DPP6: variants seen among roughly 807,000 people sequenced by gnomAD.
DPP6 encodes the protein A-type potassium channel modulatory protein DPP6.
In DPP6, 69 loss-of-function variants were observed where a neutral mutation model predicts 122.6. That is an observed-to-expected ratio of 0.56 (90% CI 0.46 to 0.69). DPP6 has a LOEUF of 0.69. Ranked by LOEUF, DPP6 falls within the 30% of genes least tolerant of loss-of-function variation. The pLI, the probability that DPP6 is intolerant of heterozygous loss-of-function variation, is 0.00. For missense variants in DPP6, 928 were observed against 1,116.9 expected (o/e 0.83, Z 2.41); for synonymous variants, 418 against 433.1 (o/e 0.97, Z 0.43).
the DPP6 span, among the ~76,000 whole-genome samples, chr7:153,863,096 C>G: frequency 2.6e-5 from 4 of 152,154 alleles, no homozygotes; most frequent in Admixed American, 1.3e-4. Context: ...GCTAACCGAT[C>G]TTTTGACATA....
Position 154,494,422 on chromosome 7 carries a change from A to T in DPP6, c.457+19385A>T, listed in dbSNP as rs1165893846. Among the ~76,000 whole-genome samples the T allele has an allele frequency of 2.0e-5, 3 of 148,738 alleles. No individual in the cohort carries two copies. The East Asian group carries it at 5.8e-4, about 29-fold the overall frequency. Reference sequence around the variant, plus strand: ...ATATAATATATGATAACATATATTTATATATATATGTATATCACTTGTAAG... The same window carrying T: ...ATATAATATATGATAACATATATTTTTATATATATGTATATCACTTGTAAG... On this transcript the variant is annotated intron_variant, in intron 3 of 25. Coordinates refer to ENST00000377770, the MANE Select transcript of DPP6 (RefSeq NM_130797.4).
chr7:154,023,831 C>T (rs1798839778), intron 1 of DPP6, among the ~76,000 whole-genome samples: 1 of 152,002 alleles, frequency 6.6e-6, no homozygotes, highest in Admixed American at 6.6e-5. Flanking sequence ...ACCTACACGC[C>T]TCCAAAAATA....
intron 1 of DPP6, among the ~76,000 whole-genome samples, chr7:154,409,820 A>G (rs1816444095): frequency 6.6e-6 from 1 of 152,178 alleles, no homozygotes. Flanking sequence ...CACTTTCAAC[A>G]TACCATGGTT....
At chr7:154,504,606 A>G (rs938751396) in intron 3 of DPP6, among the ~76,000 whole-genome samples, 9 of 152,182 alleles carry the variant, frequency 5.9e-5, no homozygotes, top group African/African-American at 1.9e-4. Flanking sequence ...CTCCTGTCTC[A>G]TTCTTCTTTT....
At chr7:154,580,826 C>G (rs10265297) in intron 5 of DPP6, among the ~76,000 whole-genome samples, 148,370 of 152,240 alleles carry the variant, frequency 0.97, 72,362 homozygotes, top group African/African-American at 0.99. Flanking sequence ...ACACCTGCAG[C>G]GAGCATCAGC....
chr7:154,854,180 T>A (rs1483406501), intron 17 of DPP6, among the ~76,000 whole-genome samples: 1 of 152,098 alleles, frequency 6.6e-6, no homozygotes, highest in Non-Finnish European at 1.5e-5. Flanking sequence ...GCACCAAGAC[T>A]TGAGGGGCAC....
At chr7:154,407,633 T>G (rs1467791424) in intron 1 of DPP6, among the ~76,000 whole-genome samples, 1 of 152,230 alleles carries the variant, frequency 6.6e-6, no homozygotes, top group African/African-American at 2.4e-5. Flanking sequence ...TTTAAAATTT[T>G]GGATTTTTAA....
Position 154,600,409 on chromosome 7 carries a change from G to A in DPP6, c.627+33493G>A, listed in dbSNP as rs182819076. The stretch of plus-strand genomic sequence containing the variant: ...CTCCGAAAGAGCTGGGATTACAGGC[G>A]TGAGCCACCATGCCCGGCCCTTTTA... On this transcript the variant is annotated intron_variant, in intron 5 of 25. Transcript: ENST00000377770. Among the ~76,000 whole-genome samples, 98 of 120,224 alleles carry A rather than the reference G, an allele frequency of 8.2e-4. 22 individuals are homozygous for A. Among genetic ancestry groups the A allele is most frequent in the Middle Eastern group, 8.6e-3 (2 of 232 alleles). The allele number at this position is 120,224 out of a possible 152,430, so 78.9% of individuals were successfully genotyped here.
chr7:154,833,958 G>A lies in DPP6; in HGVS notation c.1667-19822G>A, dbSNP rs542434710. Among the ~76,000 whole-genome samples, 4 of 152,224 alleles carry A rather than the reference G, an allele frequency of 2.6e-5. No homozygotes were observed. The highest frequency in any genetic ancestry group is 4.8e-5 in the African/African-American group (2 of 41,518). On this transcript the variant is annotated intron_variant, in intron 16 of 25. Coordinates refer to ENST00000377770, the MANE Select transcript of DPP6 (RefSeq NM_130797.4). This position sits in a 1 kb window ranked among gnomAD's most constrained non-coding sequence, Gnocchi z 4.3. ...CTGCACGGATGTAGCTCATCTTCAC[G>A]CAGACAAGAATAAGGACGCCTGTCC... is the stretch of plus-strand genomic sequence containing the variant.
intron 1 of DPP6, among the ~76,000 whole-genome samples, chr7:154,103,371 C>T (rs1006469192): frequency 6.6e-6 from 1 of 152,124 alleles, no homozygotes; most frequent in Non-Finnish European, 1.5e-5. Context: ...TGTTGGTGGA[C>T]CTCTAAGCAA....
chr7:154,752,825 A>G (rs1391568966), intron 8 of DPP6, among the ~76,000 whole-genome samples: 1 of 152,172 alleles, frequency 6.6e-6, no homozygotes, highest in Non-Finnish European at 1.5e-5. Context: ...GCCCAGGGGT[A>G]AATGTTGGGT....
At chr7:153,911,229 G>A (rs1800078755) in intron 1 of DPP6, among the ~76,000 whole-genome samples, 1 of 152,186 alleles carries the variant, frequency 6.6e-6, no homozygotes, top group African/African-American at 2.4e-5. Flanking sequence ...TCACCCAGAT[G>A]TTGGCTTGCT....
At chr7:153,776,220 G>A in the DPP6 span, among the ~76,000 whole-genome samples, 1 of 152,102 alleles carries the variant, frequency 6.6e-6, no homozygotes, top group African/African-American at 2.4e-5. Flanking sequence ...GTAGTGATAT[G>A]GTTTGGCTGT....
chr7:154,688,872 A>G (rs150617598), intron 7 of DPP6, among the ~76,000 whole-genome samples: 2,198 of 152,258 alleles, frequency 0.014, 29 homozygotes, highest in Middle Eastern at 0.034. Context: ...CCTCAATCCA[A>G]TCAAGTTGAC....
At chr7:154,010,317 T>C (rs114586820) in intron 1 of DPP6, among the ~76,000 whole-genome samples, 3,330 of 152,302 alleles carry the variant, frequency 0.022, 122 homozygotes, top group African/African-American at 0.077. Flanking sequence ...AGGCATCTTA[T>C]AGACACATAC....
intron 1 of DPP6, among the ~76,000 whole-genome samples, chr7:154,118,746 A>G (rs531992920): frequency 6.9e-5 from 10 of 145,218 alleles, no homozygotes; most frequent in African/African-American, 2.3e-4. Context: ...AAAGAAGGCA[A>G]AACTCTTCCA....
intron 1 of DPP6, among the ~76,000 whole-genome samples, chr7:154,219,160 G>A (rs1380001333): frequency 1.3e-5 from 2 of 152,178 alleles, no homozygotes; most frequent in African/African-American, 4.8e-5. Context: ...AGTTTAGCAT[G>A]ATATGAAGCC....
At chr7:154,158,524 A>G (rs1273903410) in intron 1 of DPP6, among the ~76,000 whole-genome samples, 2 of 151,584 alleles carry the variant, frequency 1.3e-5, no homozygotes, top group East Asian at 3.8e-4. Context: ...TTTTGAGGCT[A>G]TTCCGAAGAA....
intron 10 of DPP6, among the ~76,000 whole-genome samples, chr7:154,779,051 C>A (rs1355256974): frequency 1.1e-3 from 7 of 6,630 alleles, no homozygotes; most frequent in South Asian, 6.0e-3. Flanking sequence ...CACAACTACC[C>A]CCACCATCAC....
Sources: allele counts gnomAD v4.1 joint callset (sites outside exome capture counted in the v4.1 genomes callset), GRCh38; gene constraint gnomAD v4.1.1; non-coding constraint Gnocchi (gnomAD v3.1); transcripts MANE v1.5; gene names NCBI Gene and HGNC (gene_info 2026-07-23, HGNC 2026-07-21).